The following RHOBTB1 variants were observed in gnomAD, a reference collection of about 807,000 sequenced individuals.
The protein encoded by RHOBTB1 is rho-related BTB domain-containing protein 1.
RHOBTB1 carries 40 observed loss-of-function variants against 71.6 expected under a neutral mutation model. That is an observed-to-expected ratio of 0.56 (90% CI 0.43 to 0.73). RHOBTB1 has a LOEUF of 0.73. RHOBTB1 is among the 30% of genes least tolerant of loss of function. The pLI, the probability that RHOBTB1 is intolerant of heterozygous loss-of-function variation, is 0.00. For synonymous variants in RHOBTB1, 319 were observed against 334.9 expected (o/e 0.95, Z 0.52); for missense variants, 797 against 894.0 (o/e 0.89, Z 1.38).
At chr10:60,877,815 A>G (rs1474749483) in intron 8 of RHOBTB1, 93 bp downstream of exon 8, 4 of 1,342,878 alleles carry the variant, frequency 3.0e-6, no homozygotes, top group Non-Finnish European at 1.0e-6. Flanking sequence ...GGTGATAAAA[A>G]ATCAATTTTT....
At chr10:60,931,503 C>T (rs1029616660) in intron 2 of RHOBTB1, among the ~76,000 whole-genome samples, 9 of 152,118 alleles carry the variant, frequency 5.9e-5, no homozygotes, top group African/African-American at 2.4e-5. Flanking sequence ...ATTGTAGCAC[C>T]TTTCACTACT....
intron 2 of RHOBTB1, among the ~76,000 whole-genome samples, chr10:60,984,394 A>T (rs150516216): frequency 6.6e-6 from 1 of 152,342 alleles, no homozygotes; most frequent in African/African-American, 2.4e-5. Flanking sequence ...TATGCATATG[A>T]CTATTCTGAA....
intron 2 of RHOBTB1, among the ~76,000 whole-genome samples, chr10:60,965,997 T>C (rs1348061481): frequency 1.3e-5 from 2 of 152,096 alleles, no homozygotes; most frequent in Non-Finnish European, 2.9e-5. Context: ...AATAAATATA[T>C]AATTTTAAAA....
At chr10:60,961,898 C>T (rs1175241525) in intron 2 of RHOBTB1, among the ~76,000 whole-genome samples, 1 of 151,168 alleles carries the variant, frequency 6.6e-6, no homozygotes, top group East Asian at 2.0e-4. Context: ...AACCTCCGCT[C>T]CTGGGTTCAA....
chr10:60,951,886 G>A (rs1411658372), intron 2 of RHOBTB1, among the ~76,000 whole-genome samples: 5 of 150,968 alleles, frequency 3.3e-5, no homozygotes, highest in East Asian at 2.0e-4. Context: ...ATGAAACCCC[G>A]TCTCTACTAA....
chr10:60,966,066 A>AT (rs1307200794), intron 2 of RHOBTB1, among the ~76,000 whole-genome samples: 13 of 152,260 alleles, frequency 8.5e-5, no homozygotes, highest in Non-Finnish European at 1.5e-4. Context: ...ATGAGAACAG[A>AT]TTTTTTTAAA....
chr10:60,888,731 T>C lies in RHOBTB1; in HGVS notation c.937A>G (p.Lys313Glu). Residue 313 changes from lysine to glutamate, a missense_variant, in exon 6 of 11, where the codon AAA (lysine) becomes GAA (glutamate). Around this residue, in one of 2 missense-constraint regions of RHOBTB1, gnomAD observed 658 missense variants for 681.5 expected, o/e 0.97. Transcript: ENST00000337910. ...TGGAAATCTCTGCTCTGCTTCTCTTTCTCACAGGCTCCTTCACTCCCATTT... is the reference window on the plus strand; with the variant it reads ...TGGAAATCTCTGCTCTGCTTCTCTTCCTCACAGGCTCCTTCACTCCCATTT... ...SPNGSEGACE[K>E]EKQSRDFQGR... 1 of 1,614,234 alleles carries C rather than the reference T, an allele frequency of 6.2e-7. No homozygotes were observed.
At chr10:60,939,431 A>G (rs1989583429) in intron 2 of RHOBTB1, among the ~76,000 whole-genome samples, 2 of 152,188 alleles carry the variant, frequency 1.3e-5, no homozygotes, top group African/African-American at 4.8e-5. Flanking sequence ...TAATCTGTAA[A>G]TATCCCATCC....
the RHOBTB1 span, among the ~76,000 whole-genome samples, chr10:60,861,040 GA>G: frequency 6.6e-6 from 1 of 152,136 alleles, no homozygotes; most frequent in African/African-American, 2.4e-5. Flanking sequence ...AAGGCAGGAG[GA>G]AGGCTGAATC....
At chr10:60,894,738 T>C (rs2082081817) in intron 4 of RHOBTB1, among the ~76,000 whole-genome samples, 1 of 152,206 alleles carries the variant, frequency 6.6e-6, no homozygotes, top group South Asian at 2.1e-4. Flanking sequence ...TTCAAAATTA[T>C]ACAAAAAGAA....
intron 2 of RHOBTB1, among the ~76,000 whole-genome samples, chr10:60,977,276 A>G (rs1471537040): frequency 6.6e-6 from 1 of 152,046 alleles, no homozygotes; most frequent in African/African-American, 2.4e-5. Flanking sequence ...TTTTACTTAT[A>G]GCTCAATATA....
intron 1 of RHOBTB1, among the ~76,000 whole-genome samples, chr10:60,987,038 T>A (rs1190242674): frequency 6.6e-6 from 1 of 152,134 alleles, no homozygotes; most frequent in Non-Finnish European, 1.5e-5. Context: ...TGGACCCAGA[T>A]GTGAGACAAA....
intron 2 of RHOBTB1, among the ~76,000 whole-genome samples, chr10:60,931,756 C>G (rs755263137): frequency 6.6e-6 from 1 of 152,034 alleles, no homozygotes; most frequent in East Asian, 1.9e-4. Context: ...TTCTCTGACT[C>G]AAGCTCTCAC....
rs138306030 is a variant in RHOBTB1 at position 60,921,121 on chromosome 10, G to A, written c.-10-9569C>T. Among the ~76,000 whole-genome samples the A allele has an allele frequency of 2.6e-3, 388 of 151,868 alleles. 2 individuals are homozygous for A. The highest frequency in any genetic ancestry group is 8.6e-3 in the African/African-American group (356 of 41,386). On this transcript the variant is annotated intron_variant, in intron 2 of 10. Coordinates refer to ENST00000337910, the MANE Select transcript of RHOBTB1 (RefSeq NM_014836.5). ...CCACCATCATGCCTGGCTAATTTTT[G>A]TATTTTTGTAGAGATGGAGTTTCAC...
intron 2 of RHOBTB1, among the ~76,000 whole-genome samples, chr10:60,939,142 T>G (rs1375158205): frequency 1.3e-5 from 2 of 152,206 alleles, no homozygotes; most frequent in African/African-American, 4.8e-5. Flanking sequence ...TTTGTAAAAC[T>G]TGCTAATTCG....
intron 2 of RHOBTB1, among the ~76,000 whole-genome samples, chr10:60,926,123 G>C (rs1305520834): frequency 6.6e-6 from 1 of 152,096 alleles, no homozygotes; most frequent in Non-Finnish European, 1.5e-5. Flanking sequence ...ACTAATCTCA[G>C]CTACTCGGGA....
At chr10:60,975,257 G>C (rs190662785) in intron 2 of RHOBTB1, among the ~76,000 whole-genome samples, 4 of 151,948 alleles carry the variant, frequency 2.6e-5, no homozygotes, top group African/African-American at 9.7e-5. Context: ...TGTGTAAATG[G>C]CTGGTGTTTT....
chr10:60,957,155 T>C (rs7919957), intron 2 of RHOBTB1, among the ~76,000 whole-genome samples: 4,183 of 152,244 alleles, frequency 0.027, 206 homozygotes, highest in African/African-American at 0.096. Context: ...GTTTGACACT[T>C]AACTTAAAAT....
intron 2 of RHOBTB1, among the ~76,000 whole-genome samples, chr10:60,960,317 T>G (rs1026041601): frequency 6.6e-6 from 1 of 152,186 alleles, no homozygotes; most frequent in Non-Finnish European, 1.5e-5. Context: ...CAGAACCCCC[T>G]ATTGATTATG....
Sources: gnomAD v4.1 joint callset for allele counts (sites outside exome capture counted in the v4.1 genomes callset) on GRCh38, gnomAD v4.1.1 for gene constraint, gnomAD v4.1.1 regional missense constraint, MANE v1.5 for transcripts, NCBI Gene and HGNC (gene_info 2026-07-23, HGNC 2026-07-21) for gene names.